EXOC6: variants seen among roughly 807,000 people sequenced by gnomAD.
The protein encoded by EXOC6 is exocyst complex component 6.
A neutral mutation model predicts 112.5 loss-of-function variants in EXOC6; 60 were observed. The observed-to-expected ratio is 0.53, with a 90% CI of 0.43 to 0.66. The LOEUF is 0.66. Ranked by LOEUF, EXOC6 falls within the 30% of genes least tolerant of loss-of-function variation. EXOC6 has a pLI of 0.00. For synonymous variants in EXOC6, 295 were observed against 308.0 expected (o/e 0.96, Z 0.44); for missense variants, 855 against 957.1 (o/e 0.89, Z 1.41).
chr10:92,978,371 C>G (rs1236915732), intron 18 of EXOC6, among the ~76,000 whole-genome samples: 1 of 151,986 alleles, frequency 6.6e-6, no homozygotes, highest in Non-Finnish European at 1.5e-5. Flanking sequence ...AATCATGCTA[C>G]TGTGCTCCAG....
At chr10:92,975,887 G>A (rs1239075026) in intron 18 of EXOC6, among the ~76,000 whole-genome samples, 46 of 135,218 alleles carry the variant, frequency 3.4e-4, no homozygotes, top group Middle Eastern at 4.5e-3. Flanking sequence ...GAGCCCCTCT[G>A]CCTGGCCAGC....
Position 93,058,659 on chromosome 10 carries a change from T to C in EXOC6, c.*304T>C. ...ATTACAAATACATTTGAAAAACATA[T>C]GCCTCTACTCATAAGTATTTTTTTC... On this transcript the variant is annotated 3_prime_UTR_variant, in exon 22 of 22. Transcript: ENST00000260762. 4.7e-6 allele frequency: 1 copy of C among 213,758 alleles called. No individual in the cohort carries two copies. Among genetic ancestry groups the C allele is most frequent in the South Asian group, 1.2e-4 (1 of 8,562 alleles). 13.2% of individuals were successfully genotyped at this position (213,758 alleles called of 1,614,324 possible).
intron 4 of EXOC6, among the ~76,000 whole-genome samples, chr10:92,896,770 G>C (rs1379549889): frequency 6.6e-6 from 1 of 151,952 alleles, no homozygotes; most frequent in Non-Finnish European, 1.5e-5. Context: ...TGGGCAGGCT[G>C]GTCTCAAGCT....
intron 1 of EXOC6, among the ~76,000 whole-genome samples, chr10:92,878,823 A>G (rs893020931): frequency 6.6e-5 from 10 of 152,150 alleles, no homozygotes; most frequent in Non-Finnish European, 1.0e-4. Context: ...AGGTTTTAAA[A>G]TTGGTTTATA....
intron 1 of EXOC6, among the ~76,000 whole-genome samples, chr10:92,851,578 A>G (rs1394311963): frequency 6.6e-6 from 1 of 151,818 alleles, no homozygotes; most frequent in African/African-American, 2.4e-5. Context: ...TGAATCCGGG[A>G]GGCGGAGGTT....
chr10:92,887,270 CCATT>C (rs1311500280), intron 1 of EXOC6, among the ~76,000 whole-genome samples: 2 of 152,060 alleles, frequency 1.3e-5, no homozygotes, highest in Admixed American at 6.5e-5. Flanking sequence ...TTGCCTCTCT[CCATT>C]CAGTCAGCTA....
intron 20 of EXOC6, among the ~76,000 whole-genome samples, chr10:93,037,983 T>G (rs1384077689): frequency 7.4e-6 from 1 of 135,980 alleles, no homozygotes; most frequent in East Asian, 2.1e-4. Context: ...GAGCTTGCAG[T>G]GAGCCGAGAT....
At chr10:92,831,419 C>G, upstream of EXOC6, 1 of 911,094 alleles carries the variant, frequency 1.1e-6, no homozygotes, top group Non-Finnish European at 1.5e-6. Context: ...TTCTTCTATA[C>G]TATATTCTAT....
chr10:92,901,574 T>C (rs1398159763), intron 5 of EXOC6: 1 of 151,408 alleles, frequency 6.6e-6, no homozygotes, highest in South Asian at 2.1e-4. Flanking sequence ...TTTGAGTATT[T>C]TTGTGTTTAT....
chr10:92,969,289 A>C (rs945248003), intron 17 of EXOC6, among the ~76,000 whole-genome samples: 1 of 152,080 alleles, frequency 6.6e-6, no homozygotes, highest in Non-Finnish European at 1.5e-5. Context: ...TGGAAAGGCT[A>C]CCCATCCCCG....
intron 6 of EXOC6, among the ~76,000 whole-genome samples, chr10:92,914,924 G>A (rs1043674163): frequency 6.6e-6 from 1 of 152,182 alleles, no homozygotes; most frequent in Non-Finnish European, 1.5e-5. Flanking sequence ...TCTATTTCTG[G>A]TAATGAAGTT....
intron 18 of EXOC6, among the ~76,000 whole-genome samples, chr10:92,988,390 A>G (rs1353353687): frequency 6.6e-6 from 1 of 152,204 alleles, no homozygotes; most frequent in Non-Finnish European, 1.5e-5. Flanking sequence ...TAGCATTTGA[A>G]ATGCAAGTGT....
chr10:92,968,604 T>C (rs906237770), intron 17 of EXOC6, among the ~76,000 whole-genome samples: 1 of 152,208 alleles, frequency 6.6e-6, no homozygotes, highest in Non-Finnish European at 1.5e-5. Flanking sequence ...AATTGTGATA[T>C]ATTAATAGTC....
intron 1 of EXOC6, among the ~76,000 whole-genome samples, chr10:92,882,929 T>C (rs915226257): frequency 6.6e-6 from 1 of 152,208 alleles, no homozygotes; most frequent in Non-Finnish European, 1.5e-5. Flanking sequence ...TAGGAACAAA[T>C]AGAGTGTCTC....
At chr10:92,987,538 T>G (rs1411573309) in intron 18 of EXOC6, 1 of 713,694 alleles carries the variant, frequency 1.4e-6, no homozygotes, top group Non-Finnish European at 1.7e-6. Context: ...CTTTTGCTAC[T>G]TTAAACACTG....
intron 18 of EXOC6, among the ~76,000 whole-genome samples, chr10:92,985,997 A>T (rs1842989623): frequency 6.6e-6 from 1 of 151,956 alleles, no homozygotes; most frequent in South Asian, 2.1e-4. Context: ...ATATATCCTT[A>T]AAAATTGGTT....
intron 1 of EXOC6, among the ~76,000 whole-genome samples, chr10:92,867,499 C>T (rs911756927): frequency 3.0e-4 from 45 of 152,174 alleles, no homozygotes; most frequent in African/African-American, 1.1e-3. Context: ...AAAGATAATA[C>T]CCAAGCTTGA....
At chr10:92,997,922 G>A (rs985592548) in intron 19 of EXOC6, among the ~76,000 whole-genome samples, 2 of 152,118 alleles carry the variant, frequency 1.3e-5, no homozygotes, top group African/African-American at 4.8e-5. Context: ...CTCTCCTAAT[G>A]TTTGTCATAA....
chr10:92,937,784 A>G (rs1852434859), intron 12 of EXOC6, among the ~76,000 whole-genome samples: 1 of 152,186 alleles, frequency 6.6e-6, no homozygotes, highest in African/African-American at 2.4e-5. Context: ...GATTTTTGCC[A>G]TGGAGAGCAA....
Sources: gnomAD v4.1 joint callset for allele counts (sites outside exome capture counted in the v4.1 genomes callset) on GRCh38, gnomAD v4.1.1 for gene constraint, MANE v1.5 for transcripts, NCBI Gene and HGNC (gene_info 2026-07-23, HGNC 2026-07-21) for gene names.